The following BACH1 variants were observed in gnomAD, a reference collection of about 807,000 sequenced individuals.
BACH1 encodes BTB domain and CNC homolog 1.
A neutral mutation model predicts 52.9 loss-of-function variants in BACH1; 35 were observed. That is an observed-to-expected ratio of 0.66 (90% CI 0.51 to 0.88). The LOEUF (loss-of-function observed/expected upper bound fraction) is 0.88. Ranked by LOEUF, BACH1 falls within the 40% of genes least tolerant of loss-of-function variation. The probability of loss-of-function intolerance (pLI) is 0.00; values close to 1 mark genes in which losing one functional copy is unlikely to be tolerated. For missense variants in BACH1, 808 were observed against 872.6 expected, an observed-to-expected ratio of 0.93 and a Z score of 0.93; for synonymous variants, 321 against 319.6, an observed-to-expected ratio of 1.00 and a Z score of -0.05.
intron 2 of BACH1, among the ~76,000 whole-genome samples, chr21:29,358,775 AAAGAAAG>A (rs201588258): frequency 0.16 from 13,524 of 82,352 alleles, 872 homozygotes; most frequent in East Asian, 0.34. Context: ...AAAAGAAAAG[AAAGAAAG>A]AAAGAAAGAA....
intron 3 of BACH1, 24 bp downstream of exon 3, chr21:29,327,417 T>G: frequency 6.3e-7 from 1 of 1,592,300 alleles, no homozygotes; most frequent in Non-Finnish European, 8.6e-7. Context: ...TGTTCTTAAT[T>G]CATTGTTTTA....
At chr21:29,320,017 C>A (rs1485986492) in intron 1 of BACH1, among the ~76,000 whole-genome samples, 2 of 152,082 alleles carry the variant, frequency 1.3e-5, no homozygotes, top group African/African-American at 4.8e-5. Flanking sequence ...TTTGAAGTTA[C>A]CAGTGATTTC....
chr21:29,361,680 T>A (rs2089272761), intron 2 of BACH1: 1 of 152,180 alleles, frequency 6.6e-6, no homozygotes, highest in Non-Finnish European at 1.5e-5. Flanking sequence ...AATGTCTTCA[T>A]TAAGTGAACA....
rs551702197 is a variant in BACH1, at chr21:29,327,042, C to G, written c.1218C>G (p.Cys406Trp). The G allele has an allele frequency of 1.2e-6, 2 of 1,614,186 alleles. No homozygotes were observed. Among genetic ancestry groups the G allele is most frequent in the African/African-American group, 2.7e-5 (2 of 75,038 alleles). ...CAAAAGGCTTCTGGAGTGACATTTG[C>G]AGCACGGACACTCCTTGCCAAATGC... ...HLAKGFWSDICSTDTPCQMQL... is the reference protein window; with the variant it reads ...HLAKGFWSDIWSTDTPCQMQL... Residue 406 changes from cysteine to tryptophan, a missense_variant, in exon 3 of 5, where the codon TGC (cysteine) becomes TGG (tryptophan). Transcript: ENST00000286800.
chr21:29,299,943 T>C (rs2088584429), intron 1 of BACH1, among the ~76,000 whole-genome samples: 1 of 152,196 alleles, frequency 6.6e-6, no homozygotes, highest in Non-Finnish European at 1.5e-5. Context: ...GAACACCCTT[T>C]ACATCAGAGG....
intron 4 of BACH1, among the ~76,000 whole-genome samples, chr21:29,339,623 G>A (rs1374635264): frequency 2.1e-5 from 3 of 141,524 alleles, no homozygotes; most frequent in Non-Finnish European, 4.5e-5. Context: ...GGATTTAGAT[G>A]CAAAGGTTTT....
intron 4 of BACH1, among the ~76,000 whole-genome samples, chr21:29,341,927 C>T (rs1303176059): frequency 2.0e-5 from 3 of 152,030 alleles, no homozygotes; most frequent in African/African-American, 7.3e-5. Context: ...TTTCTTGTAT[C>T]CCATCCAAAA....
intron 1 of BACH1, among the ~76,000 whole-genome samples, chr21:29,305,483 A>T (rs1354567430): frequency 1.3e-5 from 2 of 152,162 alleles, no homozygotes; most frequent in African/African-American, 2.4e-5. Context: ...TCCAGACCCC[A>T]GAAAGGCTGG....
Position 29,342,491 on chromosome 21 carries a change from A to G in BACH1, c.1869A>G (p.Lys623=), listed in dbSNP as rs1278218536. 3.1e-6 allele frequency: 5 copies of G among 1,614,158 alleles called. No homozygotes were observed. The highest frequency in any genetic ancestry group is 4.2e-6 in the Non-Finnish European group (5 of 1,180,056). ...TKQNLTGLCQ[K]VCKEAALSQE... is the part of the protein sequence containing the mutation. ...AGAACCTAACTGGACTTTGCCAGAA[A>G]GTTTGTAAAGAAGCAGCTCTGAGTC... The change falls in exon 5 of 5, where the codon AAA becomes AAG. Residue 623 remains lysine, a synonymous_variant. Transcript: ENST00000286800.
At chr21:29,346,605 C>T (rs1331900557), downstream of BACH1, among the ~76,000 whole-genome samples, 3 of 152,036 alleles carry the variant, frequency 2.0e-5, no homozygotes, top group Non-Finnish European at 4.4e-5. Flanking sequence ...CCCAGAGACA[C>T]AAATCTCGGG....
chr21:29,319,846 G>A (rs1048978241), intron 1 of BACH1, among the ~76,000 whole-genome samples: 1 of 151,528 alleles, frequency 6.6e-6, no homozygotes, highest in African/African-American at 2.4e-5. Flanking sequence ...TCTGTGTGTG[G>A]TGCCACCCAC....
At chr21:29,337,976 G>A (rs2089065350) in intron 4 of BACH1, among the ~76,000 whole-genome samples, 1 of 152,084 alleles carries the variant, frequency 6.6e-6, no homozygotes, top group South Asian at 2.1e-4. Flanking sequence ...ACGAGTTAAT[G>A]GGTGCAGCAC....
At chr21:29,338,736 T>A (rs905669151) in intron 4 of BACH1, among the ~76,000 whole-genome samples, 4 of 152,314 alleles carry the variant, frequency 2.6e-5, no homozygotes, top group South Asian at 4.1e-4. Flanking sequence ...AACTATATTT[T>A]AAAAAATATA....
intron 4 of BACH1, among the ~76,000 whole-genome samples, chr21:29,338,063 T>A (rs979749529): frequency 6.8e-6 from 1 of 147,902 alleles, no homozygotes; most frequent in African/African-American, 2.7e-5. Flanking sequence ...AAGTATAATA[T>A]AAATAAACAA....
intron 1 of BACH1, among the ~76,000 whole-genome samples, chr21:29,308,138 C>G (rs1234374011): frequency 6.6e-6 from 1 of 152,070 alleles, no homozygotes; most frequent in Non-Finnish European, 1.5e-5. Context: ...GCAAATTGTT[C>G]CTTATTTGGC....
rs1601350172 is a variant in BACH1 at position 29,321,168 on chromosome 21, G to C, written c.-60-53G>C. 45 of 949,980 alleles carry C rather than the reference G, an allele frequency of 4.7e-5. 2 individuals carry two copies. The East Asian group carries it at 1.1e-3, about 24-fold the overall frequency. 58.8% of individuals were successfully genotyped at this position (949,980 alleles called of 1,614,324 possible). On this transcript the variant is annotated intron_variant, in intron 1 of 4. Coordinates refer to ENST00000286800, the MANE Select transcript of BACH1 (RefSeq NM_001186.4). ...TGTATCTTAGCCTGTATTTGACACT[G>C]TCATTTTTTAACAAGATGTTATTTA...
At chr21:29,310,640 A>C (rs954453528) in intron 1 of BACH1, among the ~76,000 whole-genome samples, 2 of 152,258 alleles carry the variant, frequency 1.3e-5, no homozygotes, top group South Asian at 2.1e-4. Flanking sequence ...GCAAAGAAGA[A>C]ACCAGAGGAT....
At position 29,321,438 on chromosome 21, in the gene BACH1, C is replaced by T. The variant is rs202019525; in HGVS notation, c.158C>T (p.Ala53Val). The T allele has an allele frequency of 1.9e-4, 311 of 1,614,062 alleles. 6 individuals carry two copies. The South Asian group carries it at 2.1e-3, about 11-fold the overall frequency. The change falls in exon 2 of 5, where the codon GCG becomes GTG. Residue 53 changes from alanine (A) to valine (V), a missense_variant. Coordinates refer to ENST00000286800, the MANE Select transcript of BACH1 (RefSeq NM_001186.4). ...QRFRAHRSVLAACSSYFHSRI... is the reference protein window; with the variant it reads ...QRFRAHRSVLVACSSYFHSRI... ...TTCCGCGCTCACCGGTCCGTGCTGG[C>T]GGCATGCAGCAGTTACTTCCACTCA...
At chr21:29,329,852 T>C (rs568315396) in intron 4 of BACH1, among the ~76,000 whole-genome samples, 159 bp downstream of exon 4, 24 of 152,366 alleles carry the variant, frequency 1.6e-4, no homozygotes, top group Non-Finnish European at 2.2e-4. Context: ...TGCTGTGATA[T>C]GTAAGTGCTT....
Sources: allele counts gnomAD v4.1 joint callset (sites outside exome capture counted in the v4.1 genomes callset), GRCh38; gene constraint gnomAD v4.1.1; transcripts MANE v1.5; gene names NCBI Gene and HGNC (gene_info 2026-07-23, HGNC 2026-07-21).